The following ULK4 variants were observed in gnomAD, a reference collection of about 807,000 sequenced individuals.
The protein encoded by ULK4 is unc-51 like kinase 4.
A neutral mutation model predicts 160.6 loss-of-function variants in ULK4; 133 were observed. That is an observed-to-expected ratio of 0.83 (90% CI 0.72 to 0.96). The LOEUF (loss-of-function observed/expected upper bound fraction) is 0.96, where lower values mean the gene tolerates loss of function less well. ULK4 is among the 40% of genes least tolerant of loss of function. ULK4 has a pLI of 0.00. For missense variants in ULK4, 1,580 were observed against 1,499.5 expected (o/e 1.05, Z -0.89); for synonymous variants, 534 against 539.8 (o/e 0.99, Z 0.15).
intron 22 of ULK4, among the ~76,000 whole-genome samples, chr3:41,723,118 CCT>C (rs2037531411): frequency 6.6e-6 from 1 of 151,868 alleles, no homozygotes; most frequent in South Asian, 2.1e-4. Flanking sequence ...TAAAGTGGTA[CCT>C]TTAGTCTTAA....
At chr3:41,776,077 T>A (rs2039609277) in intron 21 of ULK4, among the ~76,000 whole-genome samples, 2 of 151,128 alleles carry the variant, frequency 1.3e-5, no homozygotes, top group South Asian at 2.1e-4. Flanking sequence ...CCACTTTACC[T>A]AGCTGAGTTT....
chr3:41,646,618 C>T (rs552167687), intron 30 of ULK4, among the ~76,000 whole-genome samples: 88 of 152,258 alleles, frequency 5.8e-4, no homozygotes, highest in Non-Finnish European at 1.0e-3. Context: ...CTATGGCTGC[C>T]CTTAACATTT....
intron 35 of ULK4, among the ~76,000 whole-genome samples, chr3:41,371,582 C>G (rs980441866): frequency 6.6e-6 from 1 of 152,144 alleles, no homozygotes; most frequent in Non-Finnish European, 1.5e-5. Context: ...AACTAACAAA[C>G]AGAAAGCAAT....
At chr3:41,618,675 A>T (rs1010595201) in intron 30 of ULK4, among the ~76,000 whole-genome samples, 3 of 152,316 alleles carry the variant, frequency 2.0e-5, no homozygotes, top group African/African-American at 7.2e-5. Context: ...AAAACACACC[A>T]AAATATAAAG....
At chr3:41,618,004 A>G (rs889736986) in intron 30 of ULK4, among the ~76,000 whole-genome samples, 2 of 152,226 alleles carry the variant, frequency 1.3e-5, no homozygotes, top group Non-Finnish European at 1.5e-5. Flanking sequence ...TGAATAGATC[A>G]AGTGGAAGAA....
At chr3:41,931,059 T>C (rs937780432) in intron 5 of ULK4, among the ~76,000 whole-genome samples, 1 of 152,138 alleles carries the variant, frequency 6.6e-6, no homozygotes, top group Non-Finnish European at 1.5e-5. Context: ...CTATTCACAA[T>C]AGCAAAGATG....
intron 35 of ULK4, among the ~76,000 whole-genome samples, chr3:41,366,962 T>C (rs1000114092): frequency 6.6e-6 from 1 of 152,264 alleles, no homozygotes; most frequent in Non-Finnish European, 1.5e-5. Context: ...GTAAGTCACT[T>C]GACTTCTGTC....
intron 17 of ULK4, among the ~76,000 whole-genome samples, chr3:41,858,669 G>GTTTT (rs1553675928): frequency 7.9e-6 from 1 of 126,984 alleles, no homozygotes; most frequent in Admixed American, 7.5e-5. Flanking sequence ...ATTTTTGTGT[G>GTTTT]ATTTTTTTTT....
intron 30 of ULK4, among the ~76,000 whole-genome samples, chr3:41,654,726 G>A (rs1331303987): frequency 6.6e-6 from 1 of 152,166 alleles, no homozygotes; most frequent in East Asian, 1.9e-4. Flanking sequence ...CTATGAATGT[G>A]CACCCAATTT....
intron 35 of ULK4, among the ~76,000 whole-genome samples, chr3:41,365,985 C>A (rs969206381): frequency 1.3e-5 from 2 of 152,178 alleles, no homozygotes; most frequent in African/African-American, 4.8e-5. Flanking sequence ...CTTTCCTCAA[C>A]AAAGGGTGAT....
At chr3:41,619,690 C>T (rs2033148656) in intron 30 of ULK4, among the ~76,000 whole-genome samples, 1 of 151,944 alleles carries the variant, frequency 6.6e-6, no homozygotes, top group Non-Finnish European at 1.5e-5. Flanking sequence ...GACACCCTAA[C>T]ATCATAATTA....
intron 17 of ULK4, among the ~76,000 whole-genome samples, chr3:41,879,136 T>C (rs1697418170): frequency 6.6e-6 from 1 of 151,952 alleles, no homozygotes; most frequent in South Asian, 2.1e-4. Flanking sequence ...CTAAACGCAA[T>C]CCTGGCTCAA....
intron 18 of ULK4, among the ~76,000 whole-genome samples, chr3:41,828,440 C>A (rs56388412): frequency 0.16 from 20,095 of 124,426 alleles, 2,343 homozygotes; most frequent in African/African-American, 0.34. Context: ...TGATAAGCAA[C>A]TTCAGCAAAG....
At chr3:41,520,694 A>G (rs963340062) in intron 32 of ULK4, among the ~76,000 whole-genome samples, 1 of 152,190 alleles carries the variant, frequency 6.6e-6, no homozygotes, top group Non-Finnish European at 1.5e-5. Flanking sequence ...CAAGGATTCC[A>G]CTTTCTCCAC....
intron 11 of ULK4, among the ~76,000 whole-genome samples, chr3:41,910,501 CAGG>C (rs1385714656): frequency 1.3e-5 from 2 of 151,948 alleles, no homozygotes; most frequent in African/African-American, 2.4e-5. Context: ...GAGGCTGAGG[CAGG>C]AGAATTGCCT....
chr3:41,466,781 T>C (rs1021866475), intron 32 of ULK4, among the ~76,000 whole-genome samples: 1 of 152,208 alleles, frequency 6.6e-6, no homozygotes, highest in Non-Finnish European at 1.5e-5. Context: ...TGTGTGTATA[T>C]ATGTGTGTGT....
Position 41,746,272 on chromosome 3 carries a change from C to CAAAAAAAA in ULK4, c.2321+8081_2321+8088dup, listed in dbSNP as rs34582395. On this transcript the variant is annotated intron_variant, in intron 22 of 36. Transcript: ENST00000301831. ...TATATAGAAAATCTCCTGGAACCCACAAAAAAAAAAAAAAAAAAAAAAAAC... is the reference window on the plus strand; with the variant it reads ...TATATAGAAAATCTCCTGGAACCCACAAAAAAAAAAAAAAAAAAAAAAAAAAAAAAAAC... Among the ~76,000 whole-genome samples the CAAAAAAAA allele has an allele frequency of 2.9e-3, 132 of 45,702 alleles. 7 individuals carry two copies. Among genetic ancestry groups the CAAAAAAAA allele is most frequent in the African/African-American group, 0.013 (120 of 9,388 alleles). 30.0% of individuals were successfully genotyped at this position (45,702 alleles called of 152,430 possible).
At chr3:41,823,866 A>G (rs114461408) in intron 18 of ULK4, among the ~76,000 whole-genome samples, 4,398 of 152,210 alleles carry the variant, frequency 0.029, 209 homozygotes, top group African/African-American at 0.1. Context: ...GTATTCAGTT[A>G]AAGTATATAC....
At chr3:41,791,890 A>G (rs2040162276) in intron 20 of ULK4, among the ~76,000 whole-genome samples, 1 of 152,206 alleles carries the variant, frequency 6.6e-6, no homozygotes, top group Non-Finnish European at 1.5e-5. Flanking sequence ...AAATTCTACA[A>G]ACACCTACAG....
Sources: gnomAD v4.1 joint callset for allele counts (sites outside exome capture counted in the v4.1 genomes callset) on GRCh38, gnomAD v4.1.1 for gene constraint, MANE v1.5 for transcripts, NCBI Gene and HGNC (gene_info 2026-07-23, HGNC 2026-07-21) for gene names.